Variants in CYP2J2 observed in about 807,000 individuals in gnomAD.
CYP2J2 encodes cytochrome P450 2J2.
CYP2J2 carries 41 observed loss-of-function variants against 48.8 expected under a neutral mutation model. The observed-to-expected ratio is 0.84, with a 90% CI of 0.66 to 1.09. The LOEUF is 1.09. Ranked by LOEUF, CYP2J2 falls within the 50% of genes least tolerant of loss-of-function variation. The pLI is 0.00. For synonymous variants in CYP2J2, 221 were observed against 227.1 expected, an observed-to-expected ratio of 0.97 and a Z score of 0.24; for missense variants, 644 against 617.3, an observed-to-expected ratio of 1.04 and a Z score of -0.46.
At position 59,896,083 on chromosome 1, in the gene CYP2J2, T is replaced by C. The variant is rs575189054; in HGVS notation, c.1331-2254A>G. 1.7e-3 allele frequency among the ~76,000 whole-genome samples: 255 copies of C among 152,310 alleles called. 3 individuals are homozygous for C. The highest frequency in any genetic ancestry group is 2.8e-3 in the Non-Finnish European group (190 of 68,026). ...ACAACAATCTATTCCAGGTTTATAATACTTTCCCTTCCCCAGCCCTGGAAT... is the reference window on the plus strand; with the variant it reads ...ACAACAATCTATTCCAGGTTTATAACACTTTCCCTTCCCCAGCCCTGGAAT... On this transcript the variant is annotated intron_variant, in intron 8 of 8. Transcript: ENST00000371204.
At chr1:59,952,143 C>T in the CYP2J2 span, among the ~76,000 whole-genome samples, 2 of 152,172 alleles carry the variant, frequency 1.3e-5, no homozygotes, top group Non-Finnish European at 2.9e-5. Context: ...TAATGAAGTG[C>T]TGGGGGCTGC....
intron 1 of CYP2J2, among the ~76,000 whole-genome samples, chr1:59,919,392 G>T (rs911732802): frequency 3.3e-5 from 5 of 152,158 alleles, no homozygotes; most frequent in Non-Finnish European, 5.9e-5. Flanking sequence ...ATCCACCAAG[G>T]TCCTATAGAG....
At chr1:59,908,499 C>T (rs1331872890) in intron 5 of CYP2J2, among the ~76,000 whole-genome samples, 1 of 152,234 alleles carries the variant, frequency 6.6e-6, no homozygotes, top group Non-Finnish European at 1.5e-5. Flanking sequence ...TTGAAACTCA[C>T]TGATTCTACC....
intron 8 of CYP2J2, among the ~76,000 whole-genome samples, chr1:59,896,734 T>C (rs1446301501): frequency 1.3e-5 from 2 of 152,076 alleles, no homozygotes; most frequent in African/African-American, 4.8e-5. Context: ...GCTTACTTTC[T>C]CCCTAAGTAG....
chr1:59,945,053 T>A, the CYP2J2 span, among the ~76,000 whole-genome samples: 1 of 152,320 alleles, frequency 6.6e-6, no homozygotes, highest in Non-Finnish European at 1.5e-5. Context: ...GTAGAAATTT[T>A]GTTTTTAAAA....
At chr1:59,955,778 G>T in the CYP2J2 span, among the ~76,000 whole-genome samples, 2 of 152,136 alleles carry the variant, frequency 1.3e-5, no homozygotes, top group East Asian at 3.9e-4. Context: ...GAAGAAGGGG[G>T]TTGGCTGTAT....
chr1:59,909,987 G>A (rs1187860587), intron 4 of CYP2J2, 27 bp from the exon 5 acceptor site: 3 of 1,560,910 alleles, frequency 1.9e-6, no homozygotes, highest in Non-Finnish European at 2.6e-6. Flanking sequence ...AAACAATCAT[G>A]CAGATAACAT....
the CYP2J2 span, among the ~76,000 whole-genome samples, chr1:59,958,988 T>C: frequency 6.6e-6 from 1 of 152,186 alleles, no homozygotes; most frequent in African/African-American, 2.4e-5. Context: ...TAGCTTAGAT[T>C]CTATGACCTG....
the CYP2J2 span, among the ~76,000 whole-genome samples, chr1:59,955,002 G>A: frequency 4.0e-5 from 6 of 151,814 alleles, no homozygotes; most frequent in African/African-American, 9.7e-5. Context: ...GTTGGGTGTG[G>A]TGACATGCAC....
the CYP2J2 span, among the ~76,000 whole-genome samples, chr1:59,944,472 C>T: frequency 6.6e-6 from 1 of 152,208 alleles, no homozygotes; most frequent in South Asian, 2.1e-4. Context: ...ATCTGCCCAC[C>T]TTGGCCTCCC....
chr1:59,945,405 GTCATCTA>G, the CYP2J2 span, among the ~76,000 whole-genome samples: 3 of 129,214 alleles, frequency 2.3e-5, no homozygotes, highest in Non-Finnish European at 5.0e-5. Flanking sequence ...ATCTCTTTCT[GTCATCTA>G]TCTATCTATC....
In CYP2J2 at chr1:59,904,885, AC is replaced by A; in HGVS notation, c.1176del (p.Tyr393ThrfsTer8). ...REVTVDTTLA[G>X]YHLPKGTMIL... The stretch of plus-strand genomic sequence containing the variant: ...TGCTTAATTACCTTGGGCAGGTGGT[AC>A]CCAGCCAAAGTGGTATCAACTGTCA... On this transcript the variant is annotated frameshift_variant, in exon 7 of 9. Transcript: ENST00000371204. LOFTEE classifies it high-confidence loss of function. 1 of 1,613,696 alleles carries A rather than the reference AC, an allele frequency of 6.2e-7. No homozygotes were observed. Among genetic ancestry groups the A allele is most frequent in the Non-Finnish European group, 8.5e-7 (1 of 1,179,850 alleles).
intron 6 of CYP2J2, among the ~76,000 whole-genome samples, chr1:59,906,815 C>T (rs1644368965): frequency 6.6e-6 from 1 of 152,150 alleles, no homozygotes; most frequent in Non-Finnish European, 1.5e-5. Flanking sequence ...ATAAAGCATA[C>T]ATTATGCAAC....
intron 3 of CYP2J2, 109 bp downstream of exon 3, chr1:59,912,053 A>G: frequency 3.2e-6 from 4 of 1,233,140 alleles, no homozygotes; most frequent in Non-Finnish European, 4.4e-6. Flanking sequence ...TCTATCTTCC[A>G]TTCCTAGCAC....
chr1:59,943,813 TAAG>T, the CYP2J2 span, among the ~76,000 whole-genome samples: 1 of 152,054 alleles, frequency 6.6e-6, no homozygotes, highest in East Asian at 1.9e-4. Context: ...AAAAATGAGA[TAAG>T]AACAGAGAAG....
rs755261534 is a variant in CYP2J2 at position 59,909,771 on chromosome 1, T to C, written c.861+13A>G. ...TCTAAGAACAAAATACAAAATGACT[T>C]TGGTTTTCTCACCTTTGACATTTCT... On this transcript the variant is annotated intron_variant, in intron 5 of 8. Coordinates refer to ENST00000371204, the MANE Select transcript of CYP2J2 (RefSeq NM_000775.4). The C allele has an allele frequency of 4.4e-5, 69 of 1,562,946 alleles. No individual in the cohort carries two copies. The African/African-American group carries it at 7.1e-4, about 16-fold the overall frequency.
upstream of CYP2J2, among the ~76,000 whole-genome samples, chr1:59,930,038 A>G (rs1169841897): frequency 6.6e-6 from 1 of 152,220 alleles, no homozygotes; most frequent in African/African-American, 2.4e-5. Context: ...TTCATTCAGT[A>G]AGTTGGAACT....
the CYP2J2 span, among the ~76,000 whole-genome samples, chr1:59,934,989 GATATATATATATATATATATATATAC>G: frequency 0.031 from 1,784 of 58,360 alleles, 59 homozygotes; most frequent in African/African-American, 0.062. Flanking sequence ...AAGAAAATGG[GATATATATATATATATATATATATAC>G]ATATATATAT....
intron 8 of CYP2J2, among the ~76,000 whole-genome samples, chr1:59,895,315 G>T (rs1012193481): frequency 6.6e-6 from 1 of 152,214 alleles, no homozygotes; most frequent in Non-Finnish European, 1.5e-5. Flanking sequence ...CCTTTTTAAA[G>T]ATTACAGACC....
Sources: allele counts gnomAD v4.1 joint callset (sites outside exome capture counted in the v4.1 genomes callset), GRCh38; gene constraint gnomAD v4.1.1; transcripts MANE v1.5; gene names NCBI Gene and HGNC (gene_info 2026-07-23, HGNC 2026-07-21).